The following GPC3 variants were observed in gnomAD, a reference collection of about 807,000 sequenced individuals.
The protein encoded by GPC3 is glypican 3, also known as glypican-3.
A neutral mutation model predicts 34.4 loss-of-function variants in GPC3; 3 were observed. The ratio of observed to expected loss-of-function variants is 0.09; its 90% CI spans 0.04 to 0.23. GPC3 has a LOEUF of 0.23. GPC3 is among the 10% of genes least tolerant of loss of function. The pLI, the probability that GPC3 is intolerant of heterozygous loss-of-function variation, is 1.00. For missense variants in GPC3, 351 were observed against 445.6 expected (o/e 0.79, Z 1.91); for synonymous variants, 177 against 174.0 (o/e 1.02, Z -0.13).
chrX:133,903,559 A>G (rs2076155180), intron 2 of GPC3, among the ~76,000 whole-genome samples: 1 of 112,589 alleles, frequency 8.9e-6, no homozygotes, highest in Admixed American at 9.4e-5. Flanking sequence ...ACTGCACTCC[A>G]GCCTGGGCGA....
intron 7 of GPC3, among the ~76,000 whole-genome samples, chrX:133,586,156 C>T (rs950524542): frequency 9.0e-6 from 1 of 111,640 alleles, no homozygotes; most frequent in Admixed American, 9.5e-5. Context: ...GATAACTTTA[C>T]GGGAAGTTTT....
At position 133,788,091 on chromosome X, in the gene GPC3, TATA is replaced by T. The variant is rs1569432776; in HGVS notation, c.338-33918_338-33916del. Among the ~76,000 whole-genome samples, 15 of 17,602 alleles carry T rather than the reference TATA, an allele frequency of 8.5e-4. 1 individual carries two copies. The highest frequency in any genetic ancestry group is 1.0e-3 in the Non-Finnish European group (6 of 5,935). The allele number at this position is 17,602 out of a possible 115,157, so 15.3% of individuals were successfully genotyped here. ...AATATAAAGATATCATATTATTTTA[TATA>T]TATATATATATATATATATATATAT... On this transcript the variant is annotated intron_variant, in intron 2 of 7. Transcript: ENST00000370818.
chrX:133,622,396 A>G (rs971234463), intron 6 of GPC3, among the ~76,000 whole-genome samples: 1 of 111,964 alleles, frequency 8.9e-6, no homozygotes, highest in Non-Finnish European at 1.9e-5. Flanking sequence ...CATCGCAAAG[A>G]AGCTGAAAAC....
chrX:133,938,910 C>A (rs760209897), intron 2 of GPC3, among the ~76,000 whole-genome samples: 45 of 111,972 alleles, frequency 4.0e-4, no homozygotes, highest in Admixed American at 6.7e-4. Flanking sequence ...TTGTTGAAAA[C>A]CTCATCTGGC....
chrX:133,700,297 A>C (rs1230611272), intron 3 of GPC3, among the ~76,000 whole-genome samples: 5 of 111,700 alleles, frequency 4.5e-5, no homozygotes, highest in African/African-American at 1.3e-4. Flanking sequence ...TGAAGTATAC[A>C]TTTGAGAGGA....
chrX:133,618,927 G>T (rs2070198212), intron 6 of GPC3, among the ~76,000 whole-genome samples: 1 of 110,976 alleles, frequency 9.0e-6, no homozygotes, highest in Non-Finnish European at 1.9e-5. Context: ...GAAAGTTTTT[G>T]CAAACCATAT....
chrX:133,626,212 C>T (rs1333199370), intron 6 of GPC3, among the ~76,000 whole-genome samples: 6 of 111,833 alleles, frequency 5.4e-5, no homozygotes, highest in African/African-American at 1.9e-4. Context: ...CATAAAAACC[C>T]TAGAAGAAAA....
At chrX:133,644,028 A>G (rs1267093379) in intron 6 of GPC3, among the ~76,000 whole-genome samples, 8 of 109,598 alleles carry the variant, frequency 7.3e-5, no homozygotes, top group Non-Finnish European at 1.1e-4. Context: ...GGGTTTCGCT[A>G]TGTTGGCCAG....
At chrX:133,619,542 G>A (rs2070206706) in intron 6 of GPC3, among the ~76,000 whole-genome samples, 1 of 111,771 alleles carries the variant, frequency 8.9e-6, no homozygotes, top group Non-Finnish European at 1.9e-5. Flanking sequence ...CATTGTGGAT[G>A]AACCTTGAAA....
At chrX:133,745,300 T>C (rs2071603228) in intron 3 of GPC3, among the ~76,000 whole-genome samples, 1 of 112,232 alleles carries the variant, frequency 8.9e-6, no homozygotes, top group Admixed American at 9.4e-5. Flanking sequence ...CTGAATACAC[T>C]CTGAGTGTCA....
chrX:133,787,551 G>C (rs1464949575), intron 2 of GPC3, among the ~76,000 whole-genome samples: 1 of 112,209 alleles, frequency 8.9e-6, no homozygotes, highest in African/African-American at 3.2e-5. Context: ...AAGAAGTTTT[G>C]AATAGAATGG....
At chrX:133,693,156 AGT>A (rs57735935) in intron 4 of GPC3, among the ~76,000 whole-genome samples, 10,972 of 89,067 alleles carry the variant, frequency 0.12, 629 homozygotes, top group Non-Finnish European at 0.16. Flanking sequence ...TAATAAGACA[AGT>A]GTGTGTGTGT....
At chrX:133,940,543 A>T (rs991520728) in intron 2 of GPC3, among the ~76,000 whole-genome samples, 11 of 111,606 alleles carry the variant, frequency 9.9e-5, no homozygotes, top group African/African-American at 3.6e-4. Context: ...TCTAGCACAT[A>T]GTACACTTTT....
At chrX:133,556,265 A>T (rs1242358976) in intron 7 of GPC3, among the ~76,000 whole-genome samples, 1 of 111,210 alleles carries the variant, frequency 9.0e-6, no homozygotes, top group Admixed American at 9.5e-5. Flanking sequence ...ACAATGCCTA[A>T]GTATATAGAG....
In GPC3 at chrX:133,954,738, C is replaced by CTTT. The variant is rs1166218378; in HGVS notation, c.176-1530_176-1528dup. 3.9e-4 allele frequency among the ~76,000 whole-genome samples: 21 copies of CTTT among 53,775 alleles called. 1 individual carries two copies. Among genetic ancestry groups the CTTT allele is most frequent in the Non-Finnish European group, 5.5e-4 (17 of 30,855 alleles). The allele number at this position is 53,775 out of a possible 115,157, so 46.7% of individuals were successfully genotyped here. The stretch of plus-strand genomic sequence containing the variant: ...AACTTCTGTCTTACTCAAACTTTCT[C>CTTT]TTTTTTTTTTTTTTTTTTTTTTTTT... On this transcript the variant is annotated intron_variant, in intron 1 of 7. Coordinates refer to ENST00000370818, the MANE Select transcript of GPC3 (RefSeq NM_004484.4).
chrX:133,689,357 A>G (rs2071039610), intron 5 of GPC3, among the ~76,000 whole-genome samples: 2 of 111,925 alleles, frequency 1.8e-5, no homozygotes, highest in Non-Finnish European at 3.8e-5. Flanking sequence ...TTTTAATGAT[A>G]TAAAAGTACA....
At chrX:133,753,435 A>G in intron 3 of GPC3, 47 bp downstream of exon 3, 1 of 1,032,443 alleles carries the variant, frequency 9.7e-7, no homozygotes, top group Non-Finnish European at 1.4e-6. Flanking sequence ...TGGCCACCTC[A>G]CCCCAATAAG....
chrX:133,938,244 A>C (rs192131667), intron 2 of GPC3, among the ~76,000 whole-genome samples: 5 of 112,235 alleles, frequency 4.5e-5, no homozygotes, highest in African/African-American at 1.6e-4. Flanking sequence ...AAACCATGTA[A>C]GGTTAGGTCC....
intron 1 of GPC3, among the ~76,000 whole-genome samples, chrX:133,961,597 CT>C (rs2076441745): frequency 9.0e-6 from 1 of 111,720 alleles, no homozygotes; most frequent in Admixed American, 9.5e-5. Flanking sequence ...CCAACATTTA[CT>C]GAATGCCTAC....
Sources: allele counts gnomAD v4.1 joint callset (sites outside exome capture counted in the v4.1 genomes callset), GRCh38; gene constraint gnomAD v4.1.1; transcripts MANE v1.5; gene names NCBI Gene and HGNC (gene_info 2026-07-23, HGNC 2026-07-21).